Variants in TFB1M observed in about 807,000 individuals in gnomAD.
TFB1M encodes the protein dimethyladenosine transferase 1, mitochondrial.
A neutral mutation model predicts 31.1 loss-of-function variants in TFB1M; 27 were observed. The ratio of observed to expected loss-of-function variants is 0.87; its 90% CI spans 0.64 to 1.20. The LOEUF is 1.20. Among genes scored for constraint, TFB1M ranks in the 50% most tolerant of loss-of-function variants. TFB1M has a pLI of 0.00. For synonymous variants in TFB1M, 166 were observed against 151.8 expected, an observed-to-expected ratio of 1.09 and a Z score of -0.69; for missense variants, 394 against 418.7, an observed-to-expected ratio of 0.94 and a Z score of 0.51.
intron 2 of TFB1M, among the ~76,000 whole-genome samples, chr6:155,308,663 T>C (rs935380286): frequency 9.2e-5 from 14 of 152,240 alleles, no homozygotes; most frequent in Non-Finnish European, 1.8e-4. Flanking sequence ...ATGCTGAGCA[T>C]GAATCCTGTA....
chr6:155,253,014 C>T (rs868699764), downstream of TFB1M: 6 of 1,614,014 alleles, frequency 3.7e-6, no homozygotes, highest in Middle Eastern at 1.6e-4. Context: ...CTGGTTGATC[C>T]CCATCTCCGC....
chr6:155,285,059 A>G, intron 5 of TFB1M, 99 bp downstream of exon 5: 1 of 1,502,626 alleles, frequency 6.7e-7, no homozygotes, highest in Non-Finnish European at 9.2e-7. Flanking sequence ...GTTTGCACAT[A>G]AACAAAGGTT....
At position 155,311,292 on chromosome 6, in the gene TFB1M, C is replaced by G. The variant is rs1349104288; in HGVS notation, c.181G>C (p.Glu61Gln). ...AGNLTNAYVY[E>Q]VGPGPGGITR... ...ATTCCCCCTGGCCCAGGGCCCACTT[C>G]GTAAACATAAGCATTTGTCAGATTG... Residue 61 changes from glutamate (E) to glutamine (Q), a missense_variant, in exon 2 of 7, where the codon GAA becomes CAA. By Grantham distance (29) the Glu-to-Gln change is conservative (BLOSUM62 2). Coordinates refer to ENST00000367166, the MANE Select transcript of TFB1M (RefSeq NM_016020.4). 3.7e-6 allele frequency: 6 copies of G among 1,613,950 alleles called. No individual in the cohort carries two copies. Among genetic ancestry groups the G allele is most frequent in the Non-Finnish European group, 5.1e-6 (6 of 1,179,878 alleles).
chr6:155,234,201 T>C, the TFB1M span, among the ~76,000 whole-genome samples: 3 of 152,184 alleles, frequency 2.0e-5, no homozygotes, highest in Non-Finnish European at 4.4e-5. Flanking sequence ...GAGGCCCCCA[T>C]TTCAAGTGCC....
downstream of TFB1M, among the ~76,000 whole-genome samples, chr6:155,252,169 A>AT (rs2115355263): frequency 6.6e-6 from 1 of 152,306 alleles, no homozygotes; most frequent in Admixed American, 6.5e-5. Flanking sequence ...GAGTCTCCCC[A>AT]TGAAAGATGT....
chr6:155,254,313 C>G (rs925607168), downstream of TFB1M: 12 of 1,454,702 alleles, frequency 8.2e-6, no homozygotes, highest in African/African-American at 1.7e-4. Context: ...GGCTGGCTGG[C>G]AGCCTGGTCC....
At chr6:155,245,631 G>T in the TFB1M span, 3 of 1,613,534 alleles carry the variant, frequency 1.9e-6, no homozygotes, top group Admixed American at 3.3e-5. Flanking sequence ...AGAAATTACT[G>T]TTTTCCCTTG....
At chr6:155,233,135 C>G in the TFB1M span, among the ~76,000 whole-genome samples, 1 of 152,092 alleles carries the variant, frequency 6.6e-6, no homozygotes. Flanking sequence ...CATGCAGTAG[C>G]TACAAAATTT....
chr6:155,293,472 A>T (rs1360703151), intron 4 of TFB1M, among the ~76,000 whole-genome samples: 1 of 151,656 alleles, frequency 6.6e-6, no homozygotes, highest in Non-Finnish European at 1.5e-5. Flanking sequence ...TTTTCTCATC[A>T]CTCTCCCTTT....
At chr6:155,292,092 G>A (rs1312048871) in intron 4 of TFB1M, among the ~76,000 whole-genome samples, 6 of 152,116 alleles carry the variant, frequency 3.9e-5, no homozygotes, top group Admixed American at 2.0e-4. Context: ...TTAGATGCCC[G>A]GCCTGAAGAG....
At chr6:155,296,238 G>C (rs1170084473) in intron 4 of TFB1M, among the ~76,000 whole-genome samples, 1 of 151,682 alleles carries the variant, frequency 6.6e-6, no homozygotes, top group Non-Finnish European at 1.5e-5. Context: ...CTCTTTCTCA[G>C]CTCCAAATTG....
At chr6:155,231,141 C>A in the TFB1M span, among the ~76,000 whole-genome samples, 5 of 152,124 alleles carry the variant, frequency 3.3e-5, no homozygotes, top group Admixed American at 1.3e-4. Context: ...TGCACCCGGC[C>A]CTACTTTCTT....
the TFB1M span, among the ~76,000 whole-genome samples, chr6:155,246,292 G>A: frequency 2.2e-4 from 33 of 152,190 alleles, no homozygotes; most frequent in South Asian, 6.4e-3. Context: ...GTCCACGGAT[G>A]CAGCTCTGCC....
intron 2 of TFB1M, among the ~76,000 whole-genome samples, chr6:155,300,846 C>G (rs1289558457): frequency 6.6e-6 from 1 of 151,864 alleles, no homozygotes; most frequent in African/African-American, 2.4e-5. Context: ...GCTCTGTTGC[C>G]CAGGCTGGAG....
chr6:155,282,783 AGTG>A (rs1429257464), intron 5 of TFB1M, among the ~76,000 whole-genome samples: 1 of 150,962 alleles, frequency 6.6e-6, no homozygotes, highest in Admixed American at 6.6e-5. Context: ...GCTGGAGTGC[AGTG>A]GTGCCATCTC....
intron 3 of TFB1M, 36 bp downstream of exon 3, chr6:155,298,440 TA>T: frequency 9.7e-7 from 1 of 1,035,152 alleles, no homozygotes; most frequent in Non-Finnish European, 1.5e-6. Context: ...TAAATAATCA[TA>T]AAAGAAATGT....
chr6:155,277,243 A>C (rs1356682784), intron 5 of TFB1M, among the ~76,000 whole-genome samples: 1 of 152,228 alleles, frequency 6.6e-6, no homozygotes, highest in Non-Finnish European at 1.5e-5. Flanking sequence ...TGGATGATAA[A>C]AGTTACCTTT....
the TFB1M span, among the ~76,000 whole-genome samples, chr6:155,231,120 G>A: frequency 2.0e-5 from 3 of 152,142 alleles, no homozygotes; most frequent in Non-Finnish European, 2.9e-5. Flanking sequence ...GGGATTATAG[G>A]CGTGAGCCAC....
At chr6:155,296,318 G>A (rs2114775111) in intron 4 of TFB1M, among the ~76,000 whole-genome samples, 1 of 151,944 alleles carries the variant, frequency 6.6e-6, no homozygotes, top group South Asian at 2.1e-4. Context: ...GGAGTGCAGT[G>A]GCACGATCTT....
Sources: gnomAD v4.1 joint callset for allele counts (sites outside exome capture counted in the v4.1 genomes callset) on GRCh38, gnomAD v4.1.1 for gene constraint, MANE v1.5 for transcripts, NCBI Gene and HGNC (gene_info 2026-07-23, HGNC 2026-07-21) for gene names.